The following PHF10 variants were observed in gnomAD, a reference collection of about 807,000 sequenced individuals.
PHF10 encodes the protein PHD finger protein 10.
Under a neutral mutation model 68.5 loss-of-function variants are expected in PHF10, and 51 were observed. That is an observed-to-expected ratio of 0.74 (90% CI 0.59 to 0.94). PHF10 has a LOEUF of 0.94. PHF10 is among the 40% of genes least tolerant of loss of function. PHF10 has a pLI of 0.00. For synonymous variants in PHF10, 204 were observed against 203.5 expected (o/e 1.00, Z -0.02); for missense variants, 460 against 602.6 (o/e 0.76, Z 2.48).
At chr6:169,718,031 G>A in intron 3 of PHF10, 125 bp from the exon 4 acceptor site, 3 of 472,668 alleles carry the variant, frequency 6.3e-6, no homozygotes, top group East Asian at 3.3e-5. Context: ...TATTATTAAA[G>A]GGGCTACAAA....
chr6:169,719,398 CTGTT>C (rs1171514814), intron 2 of PHF10: 1 of 153,344 alleles, frequency 6.5e-6, no homozygotes, highest in Non-Finnish European at 1.5e-5. Context: ...TAAACCGTAA[CTGTT>C]TGTTCTCAGA....
chr6:169,722,973 GAGGA>G (rs1176297249), intron 1 of PHF10, among the ~76,000 whole-genome samples: 2 of 152,186 alleles, frequency 1.3e-5, no homozygotes, highest in African/African-American at 2.4e-5. Flanking sequence ...GACAGCCTTT[GAGGA>G]ACCTTCAAAA....
intron 11 of PHF10, chr6:169,704,609 G>A (rs921914497): frequency 5.9e-6 from 1 of 169,392 alleles, no homozygotes; most frequent in Non-Finnish European, 1.4e-5. Flanking sequence ...AAACTTCGTT[G>A]TAGGCATATA....
At position 169,714,799 on chromosome 6, in the gene PHF10, T is replaced by C; in HGVS notation, c.737A>G (p.Glu246Gly). The C allele has an allele frequency of 6.2e-7, 1 of 1,607,126 alleles. No individual in the cohort carries two copies. Among genetic ancestry groups the C allele is most frequent in the Non-Finnish European group, 8.5e-7 (1 of 1,173,670 alleles). ...TGGGTAAGAACTGACCTTTGTTCGC[T>C]CTGTTGGCAAAACTTTGTACTTCCC... The part of the protein sequence containing the change: ...PQGKYKVLPT[E>G]RTKVSSYPVA... Residue 246 changes from glutamate (E) to glycine (G), a missense_variant, in exon 7 of 12, where the codon GAG becomes GGG. Transcript: ENST00000339209.
intron 4 of PHF10, among the ~76,000 whole-genome samples, chr6:169,716,420 A>T (rs1789048775): frequency 6.6e-6 from 1 of 152,038 alleles, no homozygotes; most frequent in South Asian, 2.1e-4. Flanking sequence ...CAAGTACTAC[A>T]GAATACTAGA....
Position 169,704,178 on chromosome 6 carries a change from C to G in PHF10, c.1412-90G>C, listed in dbSNP as rs117299617. 4.1e-3 allele frequency: 3,636 copies of G among 880,458 alleles called. 118 individuals carry two copies. In the South Asian group the frequency reaches 0.049, roughly 12 times the overall value. 54.5% of individuals were successfully genotyped at this position (880,458 alleles called of 1,614,324 possible). ...CTAAACTCTTCTGCCTTAGCTATCA[C>G]TAATGATATTCCTCTCTGGATTTTG... On this transcript the variant is annotated intron_variant, in intron 11 of 11. Coordinates refer to ENST00000339209, the MANE Select transcript of PHF10 (RefSeq NM_018288.4).
chr6:169,717,291 T>C (rs1789072976), intron 4 of PHF10, among the ~76,000 whole-genome samples: 1 of 152,140 alleles, frequency 6.6e-6, no homozygotes, highest in Admixed American at 6.5e-5. Flanking sequence ...TGTTATAGAA[T>C]AGAGGTTGAT....
At chr6:169,707,420 T>C (rs1788827052) in intron 9 of PHF10, 1 of 152,256 alleles carries the variant, frequency 6.6e-6, no homozygotes, top group Admixed American at 6.5e-5. Flanking sequence ...TACAGCAGAA[T>C]GCTCTCTCTT....
intron 11 of PHF10, chr6:169,704,502 CT>C: frequency 5.5e-6 from 1 of 182,222 alleles, no homozygotes; most frequent in Non-Finnish European, 1.3e-5. Flanking sequence ...GCTGACAGCA[CT>C]TTAAAACTTT....
In PHF10 at chr6:169,715,861, GAA is replaced by G; in HGVS notation, c.544-6_544-5del. 6.8e-7 allele frequency: 1 copy of G among 1,470,134 alleles called. No individual in the cohort carries two copies. Among genetic ancestry groups the G allele is most frequent in the Non-Finnish European group, 9.2e-7 (1 of 1,084,536 alleles). 91.1% of individuals were successfully genotyped at this position (1,470,134 alleles called of 1,614,324 possible). On this transcript the variant is annotated splice_region_variant and splice_polypyrimidine_tract_variant and intron_variant, in intron 5 of 11. Coordinates refer to ENST00000339209, the MANE Select transcript of PHF10 (RefSeq NM_018288.4). ...GAGTATTCTGTTGTTGCATTTGCTG[GAA>G]AAAAAAAATACAGTTGGAAGTCACA...
intron 2 of PHF10, chr6:169,719,128 A>G (rs1367697161): frequency 4.7e-6 from 2 of 426,728 alleles, no homozygotes; most frequent in Non-Finnish European, 8.4e-6. Flanking sequence ...TGTGAAAATA[A>G]CATCTTTTAT....
chr6:169,716,125 C>T (rs753696463), intron 4 of PHF10, 37 bp from the exon 5 acceptor site: 4 of 1,444,342 alleles, frequency 2.8e-6, no homozygotes, highest in Non-Finnish European at 3.7e-6. Flanking sequence ...TAAAGAAGCT[C>T]TTTTAAGGAT....
chr6:169,715,014 A>G (rs949578520), intron 6 of PHF10, among the ~76,000 whole-genome samples, 172 bp from the exon 7 acceptor site: 8 of 152,210 alleles, frequency 5.3e-5, no homozygotes, highest in African/African-American at 1.9e-4. Context: ...TCAGTTCTAT[A>G]TATTATTGTT....
chr6:169,708,488 A>T (rs1009075782), intron 9 of PHF10: 7 of 152,158 alleles, frequency 4.6e-5, no homozygotes, highest in Non-Finnish European at 1.0e-4. Context: ...AATACTTTTT[A>T]TAAAGAGGTT....
intron 8 of PHF10, 127 bp downstream of exon 8, chr6:169,712,259 T>C (rs1788940729): frequency 4.7e-6 from 4 of 851,136 alleles, no homozygotes; most frequent in African/African-American, 1.7e-5. Flanking sequence ...GTAACTTTTA[T>C]TGATGAATAC....
At chr6:169,713,925 C>T (rs1788984994) in intron 7 of PHF10, among the ~76,000 whole-genome samples, 1 of 152,100 alleles carries the variant, frequency 6.6e-6, no homozygotes, top group Admixed American at 6.5e-5. Context: ...AGATCAAGAG[C>T]ATCCTGGCCA....
chr6:169,723,793 C>A, intron 1 of PHF10, 52 bp downstream of exon 1: 1 of 576,080 alleles, frequency 1.7e-6, no homozygotes, highest in African/African-American at 2.0e-5. Flanking sequence ...CACGCCCCGG[C>A]ACCCAGGCCC....
intron 8 of PHF10, 69 bp from the exon 9 acceptor site, chr6:169,710,460 C>T: frequency 9.2e-7 from 1 of 1,089,216 alleles, no homozygotes; most frequent in South Asian, 1.4e-5. Context: ...ATTTTGAAAA[C>T]TATGGAAAAT....
At chr6:169,717,315 T>C (rs1366802234) in intron 4 of PHF10, among the ~76,000 whole-genome samples, 7 of 152,194 alleles carry the variant, frequency 4.6e-5, no homozygotes, top group African/African-American at 1.7e-4. Context: ...TGACTTGCAA[T>C]GGGGTTACAT....
Sources: allele counts gnomAD v4.1 joint callset (sites outside exome capture counted in the v4.1 genomes callset), GRCh38; gene constraint gnomAD v4.1.1; transcripts MANE v1.5; gene names NCBI Gene and HGNC (gene_info 2026-07-23, HGNC 2026-07-21).